The following RFPL4AL1 variants were observed in gnomAD, a reference collection of about 807,000 sequenced individuals.
The protein encoded by RFPL4AL1 is ret finger protein-like 4A-like protein 1.
Under a neutral mutation model 8.2 loss-of-function variants are expected in RFPL4AL1, and 2 were observed. That is an observed-to-expected ratio of 0.24 (90% CI 0.10 to 0.77). RFPL4AL1 has a LOEUF of 0.77. Ranked by LOEUF, RFPL4AL1 falls within the 30% of genes least tolerant of loss-of-function variation. The probability of loss-of-function intolerance (pLI) is 0.72; values close to 1 mark genes in which losing one functional copy is unlikely to be tolerated. For synonymous variants in RFPL4AL1, 25 were observed against 131.8 expected (o/e 0.19, Z 5.55); for missense variants, 57 against 350.3 (o/e 0.16, Z 6.68).
intron 1 of RFPL4AL1, among the ~76,000 whole-genome samples, chr19:55,770,784 T>C (rs1362133524): frequency 6.6e-6 from 1 of 151,828 alleles, no homozygotes; most frequent in Admixed American, 6.6e-5. Context: ...TGTTTTGGTC[T>C]CATGTGAAAT....
intron 1 of RFPL4AL1, among the ~76,000 whole-genome samples, chr19:55,771,079 GTTTTTTGTTT>G (rs1161754541): frequency 4.5e-5 from 4 of 89,530 alleles, no homozygotes; most frequent in South Asian, 3.2e-4. Context: ...TTTTAGTTCT[GTTTTTTGTTT>G]TTTTTTTTTT....
intron 1 of RFPL4AL1, among the ~76,000 whole-genome samples, chr19:55,771,079 G>GTT (rs1243816491): frequency 0.06 from 4,865 of 81,204 alleles, 28 homozygotes; most frequent in South Asian, 0.16. Flanking sequence ...TTTTAGTTCT[G>GTT]TTTTTTGTTT....
intron 1 of RFPL4AL1, among the ~76,000 whole-genome samples, chr19:55,770,028 T>G (rs575255394): frequency 2.8e-4 from 43 of 152,144 alleles, no homozygotes; most frequent in African/African-American, 9.9e-4. Flanking sequence ...ATCTCTTTGA[T>G]ATGCTGACCT....
chr19:55,770,116 C>T (rs1215714409), intron 1 of RFPL4AL1, among the ~76,000 whole-genome samples: 1 of 151,932 alleles, frequency 6.6e-6, no homozygotes, highest in Non-Finnish European at 1.5e-5. Flanking sequence ...CAGAAACCTC[C>T]CTACTATTTT....
intron 2 of RFPL4AL1, among the ~76,000 whole-genome samples, 191 bp from the exon 3 acceptor site, chr19:55,772,411 A>G (rs1358769577): frequency 1.5e-5 from 2 of 130,146 alleles, no homozygotes; most frequent in African/African-American, 2.7e-5. Flanking sequence ...TACAATGATC[A>G]TATTCATGCA....
At chr19:55,771,079 GTTTTTTGTT>G (rs1420488007) in intron 1 of RFPL4AL1, among the ~76,000 whole-genome samples, 5 of 89,560 alleles carry the variant, frequency 5.6e-5, no homozygotes, top group Non-Finnish European at 1.0e-4. Context: ...TTTTAGTTCT[GTTTTTTGTT>G]TTTTTTTTTT....
At chr19:55,769,699 A>G (rs1294920683) in intron 1 of RFPL4AL1, among the ~76,000 whole-genome samples, 1 of 151,680 alleles carries the variant, frequency 6.6e-6, no homozygotes, top group Admixed American at 6.6e-5. Context: ...TATTTCTTTA[A>G]TTGTTTTGAG....
chr19:55,770,589 T>C (rs1167610686), intron 1 of RFPL4AL1, among the ~76,000 whole-genome samples: 1 of 151,902 alleles, frequency 6.6e-6, no homozygotes, highest in Non-Finnish European at 1.5e-5. Flanking sequence ...TTGTACTACA[T>C]ATGGGCATGC....
At chr19:55,771,090 T>TGG (rs1370421938) in intron 1 of RFPL4AL1, among the ~76,000 whole-genome samples, 1 of 140,612 alleles carries the variant, frequency 7.1e-6, no homozygotes, top group Non-Finnish European at 1.5e-5. Context: ...TTTTTTGTTT[T>TGG]TTTTTTTTTT....
chr19:55,771,791 T>C lies in RFPL4AL1; in HGVS notation c.-9-5T>C, dbSNP rs1391785241. On this transcript the variant is annotated splice_region_variant and splice_polypyrimidine_tract_variant and intron_variant, in intron 1 of 2. Coordinates refer to ENST00000341750, the MANE Select transcript of RFPL4AL1 (RefSeq NM_001277397.2). ...CTAATTCCGTGTTCATTTTTTTTTC[T>C]ACAGACATTTGCCATGGCTGAGCAC... The C allele has an allele frequency of 1.3e-6, 2 of 1,551,536 alleles. No individual in the cohort carries two copies. The highest frequency in any genetic ancestry group is 2.4e-5 in the East Asian group (1 of 40,922).
chr19:55,771,204 G>T (rs1989491533), intron 1 of RFPL4AL1, among the ~76,000 whole-genome samples: 1 of 149,248 alleles, frequency 6.7e-6, no homozygotes, highest in Non-Finnish European at 1.5e-5. Context: ...CATGCAGTTT[G>T]CACAGTTGGG....
chr19:55,770,550 A>AT (rs1989472841), intron 1 of RFPL4AL1, among the ~76,000 whole-genome samples: 2 of 151,852 alleles, frequency 1.3e-5, no homozygotes, highest in Admixed American at 6.6e-5. Flanking sequence ...AAAAGCAGAG[A>AT]TTTTTTAGAA....
intron 1 of RFPL4AL1, among the ~76,000 whole-genome samples, chr19:55,770,496 T>C (rs1193735782): frequency 6.6e-6 from 1 of 151,950 alleles, no homozygotes; most frequent in African/African-American, 2.4e-5. Flanking sequence ...TTTTTGTCAG[T>C]CCTTCTAATT....
intron 1 of RFPL4AL1, among the ~76,000 whole-genome samples, chr19:55,770,552 T>C (rs1031802922): frequency 2.6e-4 from 39 of 151,858 alleles, no homozygotes; most frequent in African/African-American, 9.4e-4. Flanking sequence ...AAGCAGAGAT[T>C]TTTTAGAATT....
At chr19:55,769,852 C>G (rs1989456789) in intron 1 of RFPL4AL1, among the ~76,000 whole-genome samples, 1 of 151,832 alleles carries the variant, frequency 6.6e-6, no homozygotes. Context: ...CCATCATGCC[C>G]TCGGCCTTCA....
chr19:55,769,237 A>G (rs1185482991), intron 1 of RFPL4AL1, 62 bp downstream of exon 1: 2 of 151,866 alleles, frequency 1.3e-5, no homozygotes, highest in African/African-American at 2.4e-5. Context: ...GGGGAATGCA[A>G]TAATGTCTTG....
In RFPL4AL1 at chr19:55,771,950, G is replaced by A; in HGVS notation, c.146G>A (p.Cys49Tyr). ...GAGCCCGATGGGGAAGGTTTACTGTGCCGTTTCTGCTCTGTGGTCTCTCAG... is the reference window on the plus strand; with the variant it reads ...GAGCCCGATGGGGAAGGTTTACTGTACCGTTTCTGCTCTGTGGTCTCTCAG... ...QKEPDGEGLL[C>Y]RFCSVVSQKD... Residue 49 changes from cysteine to tyrosine, a missense_variant, in exon 2 of 3, where the codon TGC becomes TAC. By Grantham distance (194) the Cys-to-Tyr change is radical (BLOSUM62 -2). Coordinates refer to ENST00000341750, the MANE Select transcript of RFPL4AL1 (RefSeq NM_001277397.2). 1 of 1,532,716 alleles carries A rather than the reference G, an allele frequency of 6.5e-7. No homozygotes were observed. The highest frequency in any genetic ancestry group is 8.8e-7 in the Non-Finnish European group (1 of 1,136,352). The allele number at this position is 1,532,716 out of a possible 1,614,324, so 94.9% of individuals were successfully genotyped here.
At chr19:55,770,679 C>T (rs1416996861) in intron 1 of RFPL4AL1, among the ~76,000 whole-genome samples, 1 of 151,984 alleles carries the variant, frequency 6.6e-6, no homozygotes, top group African/African-American at 2.4e-5. Flanking sequence ...TGCTTTGAAA[C>T]AGCTTAACTC....
chr19:55,772,906 T>C lies in RFPL4AL1; in HGVS notation c.591T>C (p.Phe197=). 6.5e-7 allele frequency: 1 copy of C among 1,548,830 alleles called. No individual in the cohort carries two copies. The highest frequency in any genetic ancestry group is 2.4e-5 in the East Asian group (1 of 40,842). ...TGGGTTGCAGAGAAGGAAAGGTCTT[T>C]GCTGCCAGCACTGTGCCTATGACTC... is the stretch of plus-strand genomic sequence containing the variant. The part of the protein sequence containing the change: ...LTVGCREGKV[F]AASTVPMTPL... Residue 197 remains phenylalanine (F), a synonymous_variant, in exon 3 of 3, where the codon TTT becomes TTC. Coordinates refer to ENST00000341750, the MANE Select transcript of RFPL4AL1 (RefSeq NM_001277397.2).
Sources: allele counts gnomAD v4.1 joint callset (sites outside exome capture counted in the v4.1 genomes callset), GRCh38; gene constraint gnomAD v4.1.1; transcripts MANE v1.5; gene names NCBI Gene and HGNC (gene_info 2026-07-23, HGNC 2026-07-21).